Variants in MBTPS2 observed in about 807,000 individuals in gnomAD.
MBTPS2 encodes membrane-bound transcription factor site-2 protease.
Under a neutral mutation model 35.4 loss-of-function variants are expected in MBTPS2, and 2 were observed. That is an observed-to-expected ratio of 0.06 (90% CI 0.02 to 0.18). The LOEUF is 0.18. MBTPS2 is among the 10% of genes least tolerant of loss of function. MBTPS2 has a pLI of 1.00. For missense variants in MBTPS2, 244 were observed against 386.5 expected (o/e 0.63, Z 3.09); for synonymous variants, 125 against 140.4 (o/e 0.89, Z 0.77).
chrX:21,852,503 G>C (rs909009962), intron 4 of MBTPS2, among the ~76,000 whole-genome samples: 1 of 110,091 alleles, frequency 9.1e-6, no homozygotes, highest in Non-Finnish European at 1.9e-5. Context: ...GTGGCTGCTG[G>C]GTTTTTTTTT....
intron 6 of MBTPS2, among the ~76,000 whole-genome samples, chrX:21,869,160 G>C (rs370902297): frequency 8.9e-6 from 1 of 112,107 alleles, no homozygotes; most frequent in Non-Finnish European, 1.9e-5. Flanking sequence ...TGTTTTATGC[G>C]TTAAGGATAT....
intron 5 of MBTPS2, among the ~76,000 whole-genome samples, chrX:21,867,858 G>A (rs758097796): frequency 2.3e-4 from 26 of 110,835 alleles, no homozygotes; most frequent in Non-Finnish European, 3.8e-4. Flanking sequence ...CCAAGCTGGT[G>A]TTGATCTCCT....
At chrX:21,857,446 G>A in intron 5 of MBTPS2, 1 of 1,211,786 alleles carries the variant, frequency 8.3e-7, no homozygotes, top group Non-Finnish European at 1.1e-6. Flanking sequence ...TGCGGGAAAC[G>A]CTTTTCCCTT....
intron 5 of MBTPS2, chrX:21,856,357 GCGCC>G: frequency 1.5e-6 from 1 of 666,808 alleles, no homozygotes; most frequent in South Asian, 2.7e-5. Context: ...TCTGCAGCTC[GCGCC>G]TTTCTCTGCA....
intron 7 of MBTPS2, chrX:21,870,512 A>G (rs947844170): frequency 1.1e-4 from 12 of 112,074 alleles, no homozygotes; most frequent in African/African-American, 3.9e-4. Context: ...GCAATAAGGA[A>G]AGATTACAAG....
At chrX:21,867,590 T>A (rs1013934574) in intron 5 of MBTPS2, among the ~76,000 whole-genome samples, 2 of 107,756 alleles carry the variant, frequency 1.9e-5, no homozygotes, top group Non-Finnish European at 3.8e-5. Context: ...TTTGAGTACC[T>A]AAATTTTAGG....
intron 7 of MBTPS2, among the ~76,000 whole-genome samples, chrX:21,875,419 G>A (rs181093986): frequency 3.6e-5 from 4 of 111,581 alleles, no homozygotes; most frequent in Admixed American, 1.9e-4. Context: ...CCACCACTTT[G>A]TTTTTTCTGC....
At chrX:21,873,495 A>G (rs1191526983) in intron 7 of MBTPS2, among the ~76,000 whole-genome samples, 1 of 112,037 alleles carries the variant, frequency 8.9e-6, no homozygotes, top group Non-Finnish European at 1.9e-5. Context: ...ATATATGCAT[A>G]AAGCTAAATT....
intron 5 of MBTPS2, chrX:21,857,043 A>T (rs2092923924): frequency 5.0e-6 from 6 of 1,211,803 alleles, no homozygotes; most frequent in South Asian, 1.8e-5. Context: ...TTCCGTGACT[A>T]TGTGGTCCCC....
chrX:21,878,746 C>CTACCACTGAGACTAT, intron 9 of MBTPS2, 54 bp downstream of exon 9: 4 of 815,336 alleles, frequency 4.9e-6, no homozygotes, highest in Non-Finnish European at 7.5e-6. Flanking sequence ...CATATAGTCT[C>CTACCACTGAGACTAT]AGTGGTAGAG....
chrX:21,846,444 C>T (rs886612905), intron 3 of MBTPS2, among the ~76,000 whole-genome samples: 7 of 112,193 alleles, frequency 6.2e-5, no homozygotes, highest in Admixed American at 9.4e-5. Context: ...GATCTCAGCT[C>T]ACCACAACCT....
chrX:21,868,311 C>A (rs983629448), intron 5 of MBTPS2, among the ~76,000 whole-genome samples, 156 bp from the exon 6 acceptor site: 1 of 111,830 alleles, frequency 8.9e-6, no homozygotes, highest in Non-Finnish European at 1.9e-5. Context: ...AATAATTGAA[C>A]ATCTGTCTGC....
chrX:21,876,979 C>T (rs2092953872), intron 7 of MBTPS2, among the ~76,000 whole-genome samples: 1 of 111,416 alleles, frequency 9.0e-6, no homozygotes, highest in Non-Finnish European at 1.9e-5. Context: ...ATTCAAGATT[C>T]ACATTTAATT....
chrX:21,867,508 A>G (rs899351725), intron 5 of MBTPS2, among the ~76,000 whole-genome samples: 3 of 111,315 alleles, frequency 2.7e-5, no homozygotes, highest in Non-Finnish European at 5.7e-5. Context: ...TTACTTACAT[A>G]ATGTTAGGGG....
Position 21,880,984 on chromosome X carries a change from G to A in MBTPS2, c.1337+12G>A. The A allele has an allele frequency of 8.7e-7, 1 of 1,150,244 alleles. No homozygotes were observed. Among genetic ancestry groups the A allele is most frequent in the Non-Finnish European group, 1.2e-6 (1 of 839,556 alleles). The allele number at this position is 1,150,244 out of a possible 1,213,427, so 94.8% of individuals were successfully genotyped here. On this transcript the variant is annotated intron_variant, in intron 10 of 10. Coordinates refer to ENST00000379484, the MANE Select transcript of MBTPS2 (RefSeq NM_015884.4). ...GAGACATTTGTCAAGTATCCTTTCT[G>A]GTGTGAAACATGTTTTAAAAGTGTG...
intron 5 of MBTPS2, among the ~76,000 whole-genome samples, chrX:21,863,469 G>C (rs1230408693): frequency 9.1e-6 from 1 of 110,118 alleles, no homozygotes; most frequent in African/African-American, 3.3e-5. Flanking sequence ...GAGTCATGGG[G>C]CTGGTGGTTG....
At chrX:21,863,289 TA>T (rs1302066357) in intron 5 of MBTPS2, among the ~76,000 whole-genome samples, 16 of 104,884 alleles carry the variant, frequency 1.5e-4, no homozygotes, top group Admixed American at 1.1e-3. Flanking sequence ...AAATTAAATT[TA>T]AAAAAAAATT....
chrX:21,871,040 T>C (rs960503378), intron 7 of MBTPS2: 1 of 115,011 alleles, frequency 8.7e-6, no homozygotes, highest in Non-Finnish European at 1.8e-5. Context: ...TAGTAAGAAC[T>C]GATTTTTTTA....
intron 8 of MBTPS2, 56 bp downstream of exon 8, chrX:21,878,192 A>G (rs2092955172): frequency 1.2e-6 from 1 of 821,750 alleles, no homozygotes; most frequent in Admixed American, 2.3e-5. Context: ...AAAAATAAGC[A>G]TATAGAGCTA....
Sources: allele counts gnomAD v4.1 joint callset (sites outside exome capture counted in the v4.1 genomes callset), GRCh38; gene constraint gnomAD v4.1.1; transcripts MANE v1.5; gene names NCBI Gene and HGNC (gene_info 2026-07-23, HGNC 2026-07-21).